EPB41: variants seen among roughly 807,000 people sequenced by gnomAD.
The protein encoded by EPB41 is protein 4.1.
A neutral mutation model predicts 108.0 loss-of-function variants in EPB41; 65 were observed. That is an observed-to-expected ratio of 0.60 (90% CI 0.49 to 0.74). The LOEUF (loss-of-function observed/expected upper bound fraction) is 0.74. EPB41 is among the 30% of genes least tolerant of loss of function. EPB41 has a pLI of 0.00. For synonymous variants in EPB41, 336 were observed against 358.9 expected, an observed-to-expected ratio of 0.94 and a Z score of 0.72; for missense variants, 875 against 1,037.0, an observed-to-expected ratio of 0.84 and a Z score of 2.15.
chr1:29,023,362 A>G (rs1318283917), intron 7 of EPB41, among the ~76,000 whole-genome samples: 1 of 152,030 alleles, frequency 6.6e-6, no homozygotes, highest in Non-Finnish European at 1.5e-5. Context: ...CAATTTTAAT[A>G]TAGTGAATAC....
At chr1:28,936,368 T>C (rs2094026091) in intron 1 of EPB41, among the ~76,000 whole-genome samples, 2 of 151,804 alleles carry the variant, frequency 1.3e-5, no homozygotes, top group Non-Finnish European at 2.9e-5. Flanking sequence ...TTTTCACATA[T>C]GCAGCTGCTT....
chr1:29,013,062 G>A (rs1450103917), intron 5 of EPB41, among the ~76,000 whole-genome samples: 1 of 151,534 alleles, frequency 6.6e-6, no homozygotes, highest in African/African-American at 2.4e-5. Context: ...TATCTTCCTG[G>A]GTATTTAAAA....
chr1:28,938,587 C>A (rs1294426767), intron 1 of EPB41, among the ~76,000 whole-genome samples: 3 of 149,550 alleles, frequency 2.0e-5, no homozygotes, highest in South Asian at 4.2e-4. Flanking sequence ...GGCTGGAGTG[C>A]AGTAGTGCGA....
intron 16 of EPB41, among the ~76,000 whole-genome samples, chr1:29,091,426 C>T (rs1661135547): frequency 6.6e-6 from 1 of 152,168 alleles, no homozygotes; most frequent in African/African-American, 2.4e-5. Flanking sequence ...AGCTCTATAG[C>T]CACTTGCCTG....
At chr1:28,931,591 C>T (rs1387305946) in intron 1 of EPB41, among the ~76,000 whole-genome samples, 2 of 148,888 alleles carry the variant, frequency 1.3e-5, no homozygotes, top group East Asian at 2.0e-4. Context: ...TGCAGTGGTG[C>T]GATCTCGGCT....
chr1:29,083,866 C>T (rs895907337), intron 16 of EPB41, among the ~76,000 whole-genome samples: 5 of 152,136 alleles, frequency 3.3e-5, no homozygotes, highest in Non-Finnish European at 7.3e-5. Flanking sequence ...GCAAAGCACT[C>T]GCAATTAACT....
chr1:28,992,176 A>G (rs2096038233), intron 2 of EPB41, among the ~76,000 whole-genome samples: 2 of 152,362 alleles, frequency 1.3e-5, no homozygotes, highest in South Asian at 4.1e-4. Flanking sequence ...TGAGAGGGTC[A>G]TGAAAGATCG....
At chr1:29,090,655 C>G (rs1184950604) in intron 16 of EPB41, among the ~76,000 whole-genome samples, 1 of 152,188 alleles carries the variant, frequency 6.6e-6, no homozygotes, top group African/African-American at 2.4e-5. Flanking sequence ...GAGGCTGAGG[C>G]AAGAGAATCG....
intron 1 of EPB41, among the ~76,000 whole-genome samples, chr1:28,896,997 G>A (rs982884798): frequency 1.4e-4 from 21 of 152,200 alleles, no homozygotes; most frequent in African/African-American, 4.8e-4. Context: ...GAGCTGGGTT[G>A]AGGGTAAAAG....
chr1:29,076,386 T>C (rs1355994947), intron 16 of EPB41, among the ~76,000 whole-genome samples: 1 of 152,194 alleles, frequency 6.6e-6, no homozygotes, highest in Non-Finnish European at 1.5e-5. Flanking sequence ...ACTTAGGCTT[T>C]GGAATTTTTT....
At chr1:29,068,344 G>A (rs1273272606) in intron 16 of EPB41, among the ~76,000 whole-genome samples, 1 of 152,120 alleles carries the variant, frequency 6.6e-6, no homozygotes, top group Non-Finnish European at 1.5e-5. Flanking sequence ...GATGAGGCTG[G>A]GTAAATTTGA....
intron 17 of EPB41, among the ~76,000 whole-genome samples, chr1:29,102,350 G>A (rs1423655485): frequency 1.3e-5 from 2 of 152,090 alleles, no homozygotes; most frequent in African/African-American, 4.8e-5. Flanking sequence ...ATGGAGGGGA[G>A]AAGGGATGTA....
At chr1:29,099,039 T>TG (rs1165821941) in intron 17 of EPB41, among the ~76,000 whole-genome samples, 2 of 148,630 alleles carry the variant, frequency 1.3e-5, no homozygotes, top group African/African-American at 4.9e-5. Flanking sequence ...CCGGGTGCAG[T>TG]GGCTCACGCC....
In EPB41 at chr1:28,887,639, C is replaced by T. The variant is rs1023247010; in HGVS notation, c.-8+429C>T. 4.5e-5 allele frequency: 44 copies of T among 985,148 alleles called. No homozygotes were observed. Among genetic ancestry groups the T allele is most frequent in the Non-Finnish European group, 5.2e-5 (43 of 829,868 alleles). 61.0% of individuals were successfully genotyped at this position (985,148 alleles called of 1,614,324 possible). On this transcript the variant is annotated intron_variant, in intron 1 of 16. Coordinates refer to the EPB41 transcript ENST00000347529. The surrounding 1 kb of genome is among the most constrained non-coding windows in gnomAD (Gnocchi z 4.9). ...CCGCAGCAGCGCTGGAGCGGGCTGGCGGCTAGCAGCGGGAGGGGGCTCCGG... is the reference window on the plus strand; with the variant it reads ...CCGCAGCAGCGCTGGAGCGGGCTGGTGGCTAGCAGCGGGAGGGGGCTCCGG...
At chr1:29,061,294 G>A (rs1646474055) in intron 15 of EPB41, among the ~76,000 whole-genome samples, 1 of 151,956 alleles carries the variant, frequency 6.6e-6, no homozygotes, top group Non-Finnish European at 1.5e-5. Flanking sequence ...TTTTGAGACA[G>A]AGTCTCGCTC....
intron 7 of EPB41, among the ~76,000 whole-genome samples, chr1:29,029,509 G>A (rs115949534): frequency 6.6e-6 from 1 of 152,254 alleles, no homozygotes; most frequent in Non-Finnish European, 1.5e-5. Context: ...TGGGAAACTG[G>A]CGTTTACTGT....
chr1:28,897,076 G>A (rs1365905561), intron 1 of EPB41, among the ~76,000 whole-genome samples: 1 of 152,188 alleles, frequency 6.6e-6, no homozygotes, highest in African/African-American at 2.4e-5. Flanking sequence ...GCTGGACACT[G>A]GGGCAAGGCC....
intron 1 of EPB41, among the ~76,000 whole-genome samples, chr1:28,888,269 G>A (rs1044422293): frequency 2.2e-4 from 34 of 152,232 alleles, no homozygotes; most frequent in African/African-American, 8.2e-4. Context: ...TGTGAGAGCT[G>A]CCTAGTGTCT....
intron 1 of EPB41, among the ~76,000 whole-genome samples, chr1:28,889,451 C>T (rs2147796157): frequency 6.6e-6 from 1 of 152,332 alleles, no homozygotes; most frequent in East Asian, 1.9e-4. Flanking sequence ...CTCCTGTAGG[C>T]TCCAGGTGCC....
Sources: gnomAD v4.1 joint callset for allele counts (sites outside exome capture counted in the v4.1 genomes callset) on GRCh38, gnomAD v4.1.1 for gene constraint, Gnocchi (gnomAD v3.1) non-coding constraint, MANE v1.5 for transcripts, NCBI Gene and HGNC (gene_info 2026-07-23, HGNC 2026-07-21) for gene names.